Variants in DDX55 observed in about 807,000 individuals in gnomAD.
The protein encoded by DDX55 is ATP-dependent RNA helicase DDX55.
A neutral mutation model predicts 69.2 loss-of-function variants in DDX55; 56 were observed. The ratio of observed to expected loss-of-function variants is 0.81; its 90% CI spans 0.65 to 1.01. DDX55 has a LOEUF of 1.01. Among genes scored for constraint, DDX55 ranks in the 50% least tolerant of loss-of-function variants. The pLI, the probability that DDX55 is intolerant of heterozygous loss-of-function variation, is 0.00. For missense variants in DDX55, 720 were observed against 745.1 expected (o/e 0.97, Z 0.39); for synonymous variants, 268 against 273.1 (o/e 0.98, Z 0.18).
chr12:123,618,135 G>A, intron 11 of DDX55: 1 of 418,628 alleles, frequency 2.4e-6, no homozygotes, highest in Non-Finnish European at 4.4e-6. Context: ...TCCTGCCTCA[G>A]CCTCCCAAGT....
chr12:123,605,561 G>A (rs549415009), intron 1 of DDX55: 1 of 336,550 alleles, frequency 3.0e-6, no homozygotes, highest in Non-Finnish European at 5.8e-6. Flanking sequence ...TTCTTTTAAA[G>A]TCTGGCAACC....
chr12:123,613,559 C>A (rs1285464218), intron 8 of DDX55, among the ~76,000 whole-genome samples: 1 of 152,126 alleles, frequency 6.6e-6, no homozygotes, highest in Non-Finnish European at 1.5e-5. Context: ...ACCACTATTA[C>A]ACCCTGTCAT....
At chr12:123,618,425 A>G (rs1490575456) in intron 11 of DDX55, 8 of 1,133,296 alleles carry the variant, frequency 7.1e-6, no homozygotes, top group Non-Finnish European at 1.0e-5. Context: ...GTGAATAGAG[A>G]CCCAGTGTTG....
intron 5 of DDX55, 21 bp downstream of exon 5, chr12:123,607,683 T>C: frequency 6.2e-7 from 1 of 1,614,108 alleles, no homozygotes; most frequent in Admixed American, 1.7e-5. Flanking sequence ...TCGTGTCTGC[T>C]TGTTTCTTTG....
At position 123,602,235 on chromosome 12, in the gene DDX55, C is replaced by T. The variant is rs1188229474; in HGVS notation, c.87C>T (p.Phe29=). The change falls in exon 1 of 14, where the codon TTC becomes TTT. Residue 29 remains phenylalanine (F), a synonymous_variant. Coordinates refer to ENST00000238146, the MANE Select transcript of DDX55 (RefSeq NM_020936.3). ...QVLGALRELG[F]PYMTPVQSAT... ...TGGGCGCGCTGCGGGAGCTGGGCTT[C>T]CCGTACATGACGCCGGTGCAGGTAT... 1 of 1,568,726 alleles carries T rather than the reference C, an allele frequency of 6.4e-7. No individual in the cohort carries two copies. Among genetic ancestry groups the T allele is most frequent in the Non-Finnish European group, 8.6e-7 (1 of 1,159,820 alleles).
At chr12:123,616,485 CAG>C (rs1262202511) in intron 9 of DDX55, 24 bp from the exon 10 acceptor site, 1 of 1,610,490 alleles carries the variant, frequency 6.2e-7, no homozygotes, top group African/African-American at 1.3e-5. Flanking sequence ...CCTCCTTACT[CAG>C]AATGCTTTTT....
chr12:123,603,210 G>A (rs761342374), intron 1 of DDX55, among the ~76,000 whole-genome samples: 34 of 152,020 alleles, frequency 2.2e-4, no homozygotes, highest in Non-Finnish European at 4.1e-4. Flanking sequence ...GCCTTTCCAG[G>A]CATAAGAGAT....
intron 9 of DDX55, among the ~76,000 whole-genome samples, chr12:123,615,876 A>G (rs11615300): frequency 0.38 from 57,491 of 152,056 alleles, 11,512 homozygotes; most frequent in African/African-American, 0.45. Flanking sequence ...CAGCTACTCC[A>G]GAGGCTGAGG....
At chr12:123,613,310 C>G in intron 8 of DDX55, 58 bp downstream of exon 8, 2 of 1,553,092 alleles carry the variant, frequency 1.3e-6, no homozygotes, top group South Asian at 2.3e-5. Flanking sequence ...TGTGCAGGTG[C>G]ATGCGGCCTT....
intron 6 of DDX55, 121 bp downstream of exon 6, chr12:123,608,950 A>T: frequency 1.0e-6 from 1 of 991,038 alleles, no homozygotes; most frequent in Non-Finnish European, 1.4e-6. Flanking sequence ...ATTTTTATTT[A>T]TTTTTTATTT....
chr12:123,611,874 C>G (rs1013196708), intron 7 of DDX55, among the ~76,000 whole-genome samples: 1 of 152,192 alleles, frequency 6.6e-6, no homozygotes, highest in Non-Finnish European at 1.5e-5. Context: ...GCAGGACTGC[C>G]TGGTGCATAT....
intron 5 of DDX55, 124 bp from the exon 6 acceptor site, chr12:123,608,556 C>A: frequency 8.7e-7 from 1 of 1,149,316 alleles, no homozygotes; most frequent in Non-Finnish European, 1.3e-6. Flanking sequence ...TACTCTCATG[C>A]TCTTCGTTCT....
At chr12:123,604,054 C>T (rs1953740160) in intron 1 of DDX55, among the ~76,000 whole-genome samples, 1 of 152,112 alleles carries the variant, frequency 6.6e-6, no homozygotes, top group African/African-American at 2.4e-5. Context: ...CCCGCCTTGG[C>T]CTCCCAAAGT....
chr12:123,618,894 C>T (rs1212822858), intron 12 of DDX55, 57 bp downstream of exon 12: 38 of 1,586,712 alleles, frequency 2.4e-5, no homozygotes, highest in Non-Finnish European at 3.3e-5. Context: ...GGTGGTCTTA[C>T]AAGTATGAGA....
intron 1 of DDX55, among the ~76,000 whole-genome samples, chr12:123,604,474 G>A (rs1953768130): frequency 6.6e-6 from 1 of 152,152 alleles, no homozygotes; most frequent in South Asian, 2.1e-4. Flanking sequence ...CAGGGCTGGA[G>A]ATGAAAACTG....
At chr12:123,617,378 G>A (rs755604069) in intron 10 of DDX55, among the ~76,000 whole-genome samples, 1 of 152,122 alleles carries the variant, frequency 6.6e-6, no homozygotes, top group Non-Finnish European at 1.5e-5. Flanking sequence ...ATGCTTCCAC[G>A]CATAGGAAAA....
At position 123,619,562 on chromosome 12, in the gene DDX55, T is replaced by G. The variant is rs1245122023; in HGVS notation, c.1464T>G (p.Asp488Glu). 6.2e-7 allele frequency: 1 copy of G among 1,612,650 alleles called. No homozygotes were observed. Among genetic ancestry groups the G allele is most frequent in the East Asian group, 2.2e-5 (1 of 44,840 alleles). Residue 488 changes from aspartate (D) to glutamate (E), a missense_variant, in exon 13 of 14, where the codon GAT (aspartate) becomes GAG (glutamate). By Grantham distance (45) the Asp-to-Glu change is conservative. Coordinates refer to ENST00000238146, the MANE Select transcript of DDX55 (RefSeq NM_020936.3). ...ATACCGACACGATTCCATTTAAAGA[T>G]AAAATCAGAGAAAAGCAGAGGCAGA... ...DVNTDTIPFK[D>E]KIREKQRQKL...
intron 8 of DDX55, among the ~76,000 whole-genome samples, chr12:123,614,445 T>C (rs1345392283): frequency 6.6e-6 from 1 of 152,210 alleles, no homozygotes; most frequent in Non-Finnish European, 1.5e-5. Flanking sequence ...TCTGTGTCTC[T>C]GGTAAGTTTT....
chr12:123,606,159 G>T lies in DDX55; in HGVS notation c.246G>T (p.Gln82His). ...LRREEKLKKS[Q>H]VGAIIITPTR... Reference sequence around the variant, plus strand: ...GAGAAGAGAAGTTAAAAAAGAGTCAGGTGAGGACAACAAAAGTGATTTATT... The same window carrying T: ...GAGAAGAGAAGTTAAAAAAGAGTCATGTGAGGACAACAAAAGTGATTTATT... Residue 82 changes from glutamine to histidine, a missense_variant and splice_region_variant, in exon 3 of 14, where the codon CAG becomes CAT. Physicochemically the swap from Gln to His is conservative, Grantham distance 24 (BLOSUM62 0). Transcript: ENST00000238146. 1 of 1,614,008 alleles carries T rather than the reference G, an allele frequency of 6.2e-7. No individual in the cohort carries two copies. Among genetic ancestry groups the T allele is most frequent in the South Asian group, 1.1e-5 (1 of 91,056 alleles).
Sources: allele counts gnomAD v4.1 joint callset (sites outside exome capture counted in the v4.1 genomes callset), GRCh38; gene constraint gnomAD v4.1.1; transcripts MANE v1.5; gene names NCBI Gene and HGNC (gene_info 2026-07-23, HGNC 2026-07-21).